Variants in SLC5A4 observed in about 807,000 individuals in gnomAD.
SLC5A4 encodes the protein probable glucose sensor protein SLC5A4.
Under a neutral mutation model 70.3 loss-of-function variants are expected in SLC5A4, and 55 were observed. The observed-to-expected ratio is 0.78, with a 90% CI of 0.63 to 0.98. The LOEUF (loss-of-function observed/expected upper bound fraction) is 0.98. Ranked by LOEUF, SLC5A4 falls within the 50% of genes least tolerant of loss-of-function variation. The pLI, the probability that SLC5A4 is intolerant of heterozygous loss-of-function variation, is 0.00. For missense variants in SLC5A4, 735 were observed against 839.2 expected (o/e 0.88, Z 1.53); for synonymous variants, 268 against 305.7 (o/e 0.88, Z 1.29).
At chr22:32,309,230 C>T in the SLC5A4 span, among the ~76,000 whole-genome samples, 1 of 152,096 alleles carries the variant, frequency 6.6e-6, no homozygotes, top group Non-Finnish European at 1.5e-5. Flanking sequence ...ATAATCACAC[C>T]ATACACAGAT....
At chr22:32,292,277 ATAT>A in the SLC5A4 span, among the ~76,000 whole-genome samples, 13,546 of 124,942 alleles carry the variant, frequency 0.11, 1,542 homozygotes, top group East Asian at 0.3. Context: ...TACATACTAG[ATAT>A]TATATATAAT....
the SLC5A4 span, among the ~76,000 whole-genome samples, chr22:32,353,031 AG>A: frequency 6.6e-6 from 1 of 152,234 alleles, no homozygotes; most frequent in Non-Finnish European, 1.5e-5. Flanking sequence ...CAGGATGCAG[AG>A]AGTGGTAGCG....
At chr22:32,300,037 G>A in the SLC5A4 span, among the ~76,000 whole-genome samples, 216 of 144,986 alleles carry the variant, frequency 1.5e-3, 1 homozygote, top group Admixed American at 3.9e-3. Context: ...TGCATGCTGG[G>A]AGAACCACTG....
chr22:32,224,163 G>A (rs906318806), intron 13 of SLC5A4, 104 bp downstream of exon 13: 19 of 801,380 alleles, frequency 2.4e-5, no homozygotes, highest in Admixed American at 6.4e-5. Context: ...CTCGTGATCC[G>A]CCCGCCTTGG....
chr22:32,327,223 G>T, the SLC5A4 span: 1 of 152,252 alleles, frequency 6.6e-6, no homozygotes, highest in Non-Finnish European at 1.5e-5. Flanking sequence ...AACAACAGAA[G>T]TTTCCTCAAA....
intron 2 of SLC5A4, among the ~76,000 whole-genome samples, chr22:32,252,576 C>T (rs768860375): frequency 1.3e-5 from 2 of 152,088 alleles, no homozygotes; most frequent in Non-Finnish European, 2.9e-5. Flanking sequence ...GACTATATGT[C>T]TAGAAAACTC....
upstream of SLC5A4, among the ~76,000 whole-genome samples, chr22:32,260,249 T>C (rs1459321758): frequency 1.3e-5 from 2 of 150,750 alleles, no homozygotes; most frequent in African/African-American, 5.0e-5. Context: ...TTCCTCTACA[T>C]TGGCTGCAGC....
At chr22:32,274,393 T>C in the SLC5A4 span, among the ~76,000 whole-genome samples, 1 of 152,278 alleles carries the variant, frequency 6.6e-6, no homozygotes, top group African/African-American at 2.4e-5. Flanking sequence ...GTTACAGATA[T>C]GATGAAATAG....
intron 5 of SLC5A4, among the ~76,000 whole-genome samples, chr22:32,239,980 C>T (rs1477527408): frequency 1.5e-5 from 2 of 137,416 alleles, no homozygotes; most frequent in African/African-American, 2.8e-5. Flanking sequence ...GCAGAGATGG[C>T]GCCACTGCAT....
At chr22:32,251,422 G>C (rs1042861383) in intron 3 of SLC5A4, among the ~76,000 whole-genome samples, 1 of 151,708 alleles carries the variant, frequency 6.6e-6, no homozygotes, top group African/African-American at 2.4e-5. Flanking sequence ...GTGGGTTCCT[G>C]ATTTTAAAAA....
chr22:32,353,653 A>G, the SLC5A4 span, among the ~76,000 whole-genome samples: 1 of 146,580 alleles, frequency 6.8e-6, no homozygotes, highest in African/African-American at 2.5e-5. Context: ...CCAACACCTC[A>G]CCCCCAACCA....
chr22:32,285,667 T>C, the SLC5A4 span, among the ~76,000 whole-genome samples: 1 of 151,778 alleles, frequency 6.6e-6, no homozygotes, highest in African/African-American at 2.4e-5. Context: ...TGAATTTTTA[T>C]TGTTCTATTT....
chr22:32,265,807 T>G, the SLC5A4 span, among the ~76,000 whole-genome samples: 1 of 152,034 alleles, frequency 6.6e-6, no homozygotes, highest in African/African-American at 2.4e-5. Context: ...GCCACTGCAC[T>G]CCAGCCTGGG....
the SLC5A4 span, among the ~76,000 whole-genome samples, chr22:32,324,762 G>A: frequency 1.3e-5 from 2 of 152,218 alleles, no homozygotes; most frequent in East Asian, 1.9e-4. Flanking sequence ...CTGGGCCTTA[G>A]GCACCCACCT....
the SLC5A4 span, among the ~76,000 whole-genome samples, chr22:32,349,476 T>A: frequency 1.3e-5 from 2 of 152,112 alleles, no homozygotes; most frequent in African/African-American, 4.8e-5. Flanking sequence ...AACCACATAA[T>A]CTGAACAATT....
At chr22:32,287,007 T>A in the SLC5A4 span, among the ~76,000 whole-genome samples, 1 of 152,146 alleles carries the variant, frequency 6.6e-6, no homozygotes, top group South Asian at 2.1e-4. Flanking sequence ...ATATTGTGTG[T>A]GAGAGAGACG....
the SLC5A4 span, among the ~76,000 whole-genome samples, chr22:32,328,203 T>C: frequency 6.6e-6 from 1 of 152,132 alleles, no homozygotes; most frequent in African/African-American, 2.4e-5. Flanking sequence ...CTGTAAAATG[T>C]GGCTGCTCAC....
In SLC5A4 at chr22:32,220,992, T is replaced by G. The variant is rs77851318; in HGVS notation, c.1696A>C (p.Ser566Arg). 6 of 1,613,994 alleles carry G rather than the reference T, an allele frequency of 3.7e-6. No individual in the cohort carries two copies. Among genetic ancestry groups the G allele is most frequent in the Non-Finnish European group, 5.1e-6 (6 of 1,179,878 alleles). Reference protein sequence around the residue: ...LYRLCWVLRNSTEERIDIDAE... With the variant: ...LYRLCWVLRNRTEERIDIDAE... The stretch of plus-strand genomic sequence containing the variant: ...TCTATATCGATTCGCTCCTCTGTAC[T>G]GTTCCGAAGAACCCAGCACAGGCGG... The change falls in exon 14 of 15, where the codon AGT (serine) becomes CGT (arginine). Residue 566 changes from serine to arginine, a missense_variant. Coordinates refer to ENST00000266086, the MANE Select transcript of SLC5A4 (RefSeq NM_014227.3).
the SLC5A4 span, among the ~76,000 whole-genome samples, chr22:32,311,248 G>A: frequency 6.6e-6 from 1 of 152,222 alleles, no homozygotes; most frequent in Admixed American, 6.5e-5. Flanking sequence ...ACAGTGAGCA[G>A]GGACCTGCCT....
Sources: allele counts gnomAD v4.1 joint callset (sites outside exome capture counted in the v4.1 genomes callset), GRCh38; gene constraint gnomAD v4.1.1; transcripts MANE v1.5; gene names NCBI Gene and HGNC (gene_info 2026-07-23, HGNC 2026-07-21).